The following EXOC6B variants were observed in gnomAD, a reference collection of about 807,000 sequenced individuals.
EXOC6B encodes the protein exocyst complex component 6B, also known as SEC15 homolog B.
Under a neutral mutation model 113.5 loss-of-function variants are expected in EXOC6B, and 54 were observed. The observed-to-expected ratio is 0.48, with a 90% CI of 0.38 to 0.60. EXOC6B has a LOEUF of 0.60. EXOC6B is among the 20% of genes least tolerant of loss of function. EXOC6B has a pLI of 0.00. For missense variants in EXOC6B, 797 were observed against 977.5 expected, an observed-to-expected ratio of 0.82 and a Z score of 2.46; for synonymous variants, 357 against 339.0, an observed-to-expected ratio of 1.05 and a Z score of -0.58.
rs554640932 is a variant in EXOC6B at position 72,277,522 on chromosome 2, T to A, written c.2196+57425A>T. Among the ~76,000 whole-genome samples the A allele has an allele frequency of 8.0e-4, 122 of 152,064 alleles. 2 individuals carry two copies. The highest frequency in any genetic ancestry group is 7.9e-3 in the Admixed American group (121 of 15,256). Reference sequence around the variant, plus strand: ...TTTTTTTTTCTTTTTCTGGAGATAGTCACCCATGCTGGAGTGCAGAGTACA... The same window carrying A: ...TTTTTTTTTCTTTTTCTGGAGATAGACACCCATGCTGGAGTGCAGAGTACA... On this transcript the variant is annotated intron_variant, in intron 20 of 21. Coordinates refer to ENST00000272427, the MANE Select transcript of EXOC6B (RefSeq NM_015189.3).
At chr2:72,366,376 A>G (rs1690628932) in intron 19 of EXOC6B, among the ~76,000 whole-genome samples, 1 of 152,178 alleles carries the variant, frequency 6.6e-6, no homozygotes, top group African/African-American at 2.4e-5. Context: ...AAAGACATCA[A>G]TAGAAAGCAT....
intron 1 of EXOC6B, among the ~76,000 whole-genome samples, chr2:72,763,306 T>C (rs542801610): frequency 1.1e-4 from 17 of 152,308 alleles, no homozygotes; most frequent in African/African-American, 4.1e-4. Context: ...ATTGTTGTCA[T>C]TCCTTTGTAT....
intron 1 of EXOC6B, among the ~76,000 whole-genome samples, chr2:72,784,473 C>T (rs1198525722): frequency 6.6e-6 from 1 of 152,052 alleles, no homozygotes; most frequent in Non-Finnish European, 1.5e-5. Context: ...TAATGACATA[C>T]CCAAGACTTG....
At chr2:72,282,422 TAA>T (rs1195138407) in intron 20 of EXOC6B, among the ~76,000 whole-genome samples, 11 of 151,506 alleles carry the variant, frequency 7.3e-5, no homozygotes, top group Non-Finnish European at 2.9e-5. Flanking sequence ...AAAGACAGTA[TAA>T]TTAACAGGCT....
chr2:72,211,947 A>G (rs567095930), intron 20 of EXOC6B, among the ~76,000 whole-genome samples: 10 of 152,202 alleles, frequency 6.6e-5, no homozygotes, highest in African/African-American at 2.4e-4. Context: ...TAGCTCTCCC[A>G]AAGACTCACT....
At chr2:72,460,624 T>C (rs971577539) in intron 18 of EXOC6B, among the ~76,000 whole-genome samples, 5 of 152,146 alleles carry the variant, frequency 3.3e-5, no homozygotes, top group African/African-American at 1.2e-4. Flanking sequence ...CCATCACTGG[T>C]CATCAAAGAA....
At chr2:72,455,328 T>G (rs1235118509) in intron 18 of EXOC6B, among the ~76,000 whole-genome samples, 1 of 152,212 alleles carries the variant, frequency 6.6e-6, no homozygotes, top group East Asian at 1.9e-4. Context: ...TATTTCCCAT[T>G]ACCAGATAGA....
chr2:72,706,082 T>C (rs543110212), intron 6 of EXOC6B, among the ~76,000 whole-genome samples: 10 of 152,234 alleles, frequency 6.6e-5, no homozygotes, highest in Non-Finnish European at 1.5e-4. Flanking sequence ...TCTAACAAGA[T>C]ATTTTTTAAA....
intron 18 of EXOC6B, among the ~76,000 whole-genome samples, chr2:72,390,489 A>G (rs1339893520): frequency 6.6e-6 from 1 of 152,160 alleles, no homozygotes; most frequent in East Asian, 1.9e-4. Context: ...AATACTGGAT[A>G]TTGTGAATGT....
chr2:72,319,079 T>A (rs1198517047), intron 20 of EXOC6B, among the ~76,000 whole-genome samples: 1 of 151,790 alleles, frequency 6.6e-6, no homozygotes, highest in Admixed American at 6.6e-5. Context: ...CATTAAGGAG[T>A]AATTCAGATT....
At chr2:72,523,119 T>C (rs939344339) in intron 8 of EXOC6B, among the ~76,000 whole-genome samples, 1 of 152,222 alleles carries the variant, frequency 6.6e-6, no homozygotes. Context: ...TGTTTTTGCA[T>C]ATAAAAGTAG....
intron 20 of EXOC6B, among the ~76,000 whole-genome samples, chr2:72,318,833 C>A (rs1687679048): frequency 6.6e-6 from 1 of 151,440 alleles, no homozygotes; most frequent in Admixed American, 6.6e-5. Flanking sequence ...TTTAATACTA[C>A]TTTATGTGTA....
Position 72,463,374 on chromosome 2 carries a change from A to C in EXOC6B, c.1980+1786T>G, listed in dbSNP as rs1384036447. 2.0e-5 allele frequency: 3 copies of C among 152,180 alleles called. No homozygotes were observed. In the East Asian group the frequency reaches 5.8e-4, roughly 29 times the overall value. 9.4% of individuals were successfully genotyped at this position (152,180 alleles called of 1,614,324 possible). A position where few individuals can be genotyped will look rare whatever the true frequency, so the allele number is the denominator to read the frequency against. On this transcript the variant is annotated intron_variant, in intron 18 of 21. Coordinates refer to ENST00000272427, the MANE Select transcript of EXOC6B (RefSeq NM_015189.3). ...AAACATGTAGAAAAAACATATTAAA[A>C]GGCATCAGGTGCTGTGAAGCAATGA...
At chr2:72,649,657 A>G (rs1467524939) in intron 6 of EXOC6B, among the ~76,000 whole-genome samples, 1 of 152,192 alleles carries the variant, frequency 6.6e-6, no homozygotes, top group East Asian at 1.9e-4. Context: ...AAGTGGGAGA[A>G]AGCAGTCTAC....
chr2:72,456,449 A>G (rs12476397), intron 18 of EXOC6B, among the ~76,000 whole-genome samples: 21,244 of 152,172 alleles, frequency 0.14, 1,844 homozygotes, highest in African/African-American at 0.25. Flanking sequence ...TATTTCATGC[A>G]AGCTGCTGCA....
chr2:72,619,519 GA>G (rs915865599), intron 6 of EXOC6B, among the ~76,000 whole-genome samples: 1 of 152,044 alleles, frequency 6.6e-6, no homozygotes, highest in African/African-American at 2.4e-5. Flanking sequence ...GGAGGAGGGA[GA>G]ACAGGATGGC....
intron 18 of EXOC6B, chr2:72,462,023 C>G (rs914935050): frequency 2.0e-5 from 3 of 151,860 alleles, no homozygotes; most frequent in African/African-American, 7.2e-5. Context: ...AAGATTCTTC[C>G]CTAAACAAAT....
chr2:72,376,300 G>C (rs888025692), intron 19 of EXOC6B, among the ~76,000 whole-genome samples: 56 of 152,120 alleles, frequency 3.7e-4, no homozygotes, highest in African/African-American at 1.3e-3. Flanking sequence ...TTTATTTTCC[G>C]TTTATTTTTG....
At chr2:72,301,892 G>T (rs1686555660) in intron 20 of EXOC6B, among the ~76,000 whole-genome samples, 1 of 152,046 alleles carries the variant, frequency 6.6e-6, no homozygotes, top group South Asian at 2.1e-4. Flanking sequence ...TTTGGGGTTG[G>T]TTTGCTCTTG....
Sources: allele counts gnomAD v4.1 joint callset (sites outside exome capture counted in the v4.1 genomes callset), GRCh38; gene constraint gnomAD v4.1.1; transcripts MANE v1.5; gene names NCBI Gene and HGNC (gene_info 2026-07-23, HGNC 2026-07-21).